The following LRBA variants were observed in gnomAD, a reference collection of about 807,000 sequenced individuals.
LRBA encodes LPS responsive beige-like anchor protein.
In LRBA, 176 loss-of-function variants were observed where a neutral mutation model predicts 330.0. The observed-to-expected ratio is 0.53, with a 90% CI of 0.47 to 0.60. LRBA has a LOEUF of 0.60. LRBA is among the 20% of genes least tolerant of loss of function. The pLI, the probability that LRBA is intolerant of heterozygous loss-of-function variation, is 0.00. For synonymous variants in LRBA, 1,230 were observed against 1,193.0 expected, an observed-to-expected ratio of 1.03 and a Z score of -0.64; for missense variants, 3,259 against 3,444.8, an observed-to-expected ratio of 0.95 and a Z score of 1.35.
At chr4:150,397,620 C>T (rs1744913289) in intron 47 of LRBA, among the ~76,000 whole-genome samples, 1 of 152,130 alleles carries the variant, frequency 6.6e-6, no homozygotes, top group South Asian at 2.1e-4. Context: ...ATTTGTACAA[C>T]TAAAACTTAT....
intron 37 of LRBA, among the ~76,000 whole-genome samples, chr4:150,669,862 G>A (rs757020248): frequency 1.3e-5 from 2 of 152,048 alleles, no homozygotes; most frequent in East Asian, 1.9e-4. Context: ...AACTGTGTCC[G>A]GCCAATATTT....
intron 34 of LRBA, among the ~76,000 whole-genome samples, chr4:150,795,415 C>T (rs1740645049): frequency 6.6e-6 from 1 of 152,008 alleles, no homozygotes; most frequent in African/African-American, 2.4e-5. Context: ...AGAGAACATA[C>T]AGTTTCCTGA....
chr4:150,540,062 T>A (rs1351270928), intron 40 of LRBA, among the ~76,000 whole-genome samples: 1 of 152,222 alleles, frequency 6.6e-6, no homozygotes, highest in East Asian at 1.9e-4. Flanking sequence ...TAACTTACTT[T>A]CCGTTATATG....
intron 37 of LRBA, among the ~76,000 whole-genome samples, chr4:150,629,926 C>T (rs1054044121): frequency 3.3e-5 from 5 of 152,076 alleles, no homozygotes; most frequent in East Asian, 3.9e-4. Context: ...GCCAAGGCCA[C>T]GACATTGCAC....
chr4:150,304,079 TTAAA>T (rs1248163987), intron 52 of LRBA, among the ~76,000 whole-genome samples: 3 of 152,032 alleles, frequency 2.0e-5, no homozygotes, highest in Non-Finnish European at 4.4e-5. Context: ...TTCTTTTTCT[TTAAA>T]TAAGTTTTTA....
At chr4:150,983,449 C>CTT (rs35205576) in intron 2 of LRBA, among the ~76,000 whole-genome samples, 4,282 of 107,100 alleles carry the variant, frequency 0.04, 369 homozygotes, top group African/African-American at 0.14. Flanking sequence ...AGCAAGCACT[C>CTT]TTTTTTTTTT....
chr4:150,993,838 G>A (rs956041094), intron 2 of LRBA, among the ~76,000 whole-genome samples: 3 of 151,992 alleles, frequency 2.0e-5, no homozygotes, highest in African/African-American at 4.8e-5. Flanking sequence ...GGGAATTATG[G>A]GAGTACAATT....
chr4:150,664,673 T>C (rs531332122), intron 37 of LRBA, among the ~76,000 whole-genome samples: 16 of 152,162 alleles, frequency 1.1e-4, no homozygotes, highest in Non-Finnish European at 1.8e-4. Context: ...CATTATATAA[T>C]TCCAAGGCCA....
chr4:150,375,551 G>A (rs189093697), intron 47 of LRBA, among the ~76,000 whole-genome samples: 9 of 151,626 alleles, frequency 5.9e-5, no homozygotes, highest in East Asian at 1.9e-4. Context: ...TCCGCCTCCC[G>A]AGTTCAAGTG....
intron 20 of LRBA, 134 bp downstream of exon 20, chr4:150,870,391 A>G: frequency 1.6e-6 from 1 of 641,870 alleles, no homozygotes; most frequent in South Asian, 1.7e-5. Context: ...AAACAAAACT[A>G]GTATAATATC....
chr4:150,985,496 A>G (rs1353502333), intron 2 of LRBA, among the ~76,000 whole-genome samples: 1 of 150,606 alleles, frequency 6.6e-6, no homozygotes, highest in Non-Finnish European at 1.5e-5. Context: ...TTTTTAATAT[A>G]TAGTTTTTTT....
At chr4:150,473,900 A>G (rs919857921) in intron 42 of LRBA, among the ~76,000 whole-genome samples, 1 of 152,214 alleles carries the variant, frequency 6.6e-6, no homozygotes, top group African/African-American at 2.4e-5. Flanking sequence ...CACATGATAT[A>G]CAAATGTTGT....
rs1320242489 is a variant in LRBA at position 150,916,733 on chromosome 4, A to T, written c.651T>A (p.Ile217=). 1.3e-6 allele frequency: 2 copies of T among 1,550,256 alleles called. No individual in the cohort carries two copies. The highest frequency in any genetic ancestry group is 1.4e-5 in the African/African-American group (1 of 72,070). The stretch of plus-strand genomic sequence containing the variant: ...GCCATTTGGCTATAGGAGGTAATGC[A>T]ATAGCCTAAAGGAAAGAAACTTTGA... ...FNFPGKSAAA[I]ALPPIAKWPY... is the part of the protein sequence containing the mutation. The change falls in exon 6 of 57, where the codon ATT becomes ATA. Residue 217 remains isoleucine, a synonymous_variant. Coordinates refer to ENST00000651943, the MANE Select transcript of LRBA (RefSeq NM_001364905.1).
At position 150,277,956 on chromosome 4, in the gene LRBA, T is replaced by C. The variant is rs141577859; in HGVS notation, c.8365A>G (p.Arg2789Gly). The change falls in exon 56 of 57, where the codon AGA becomes GGA. Residue 2789 changes from arginine (R) to glycine (G), a missense_variant. By Grantham distance (125) the Arg-to-Gly change is moderately radical. Coordinates refer to ENST00000651943, the MANE Select transcript of LRBA (RefSeq NM_001364905.1). ...DGQYLLTGGD[R>G]GVVVVRQVSD... ...ACCTGCCGGACCACGACCACTCCTC[T>C]GTCTCCTCCTGTGAGCAGGTACTGC... 21 of 1,614,046 alleles carry C rather than the reference T, an allele frequency of 1.3e-5. No homozygotes were observed. The African/African-American group carries it at 1.9e-4, about 14-fold the overall frequency.
Position 150,425,520 on chromosome 4 carries a change from T to C in LRBA, c.7042-9930A>G, listed in dbSNP as rs540001317. 9.2e-5 allele frequency among the ~76,000 whole-genome samples: 14 copies of C among 152,336 alleles called. No homozygotes were observed. In the East Asian group the frequency reaches 2.5e-3, roughly 27 times the overall value. On this transcript the variant is annotated intron_variant, in intron 46 of 56. Transcript: ENST00000651943. ...GTTCAGGATAAGCTCATTGCTTTGA[T>C]CACAAATCCCAAGGCTTTCATGGCA...
At chr4:150,610,710 T>A (rs1195767556) in intron 37 of LRBA, among the ~76,000 whole-genome samples, 1 of 152,150 alleles carries the variant, frequency 6.6e-6, no homozygotes, top group East Asian at 1.9e-4. Flanking sequence ...ATGAGTAGGC[T>A]AGTAAGAACG....
rs573403144 is a variant in LRBA, at chr4:150,433,878, T to C, written c.7041+1711A>G. Among the ~76,000 whole-genome samples, 5 of 152,246 alleles carry C rather than the reference T, an allele frequency of 3.3e-5. No homozygotes were observed. In the South Asian group the frequency reaches 1.0e-3, roughly 32 times the overall value. ...ATATCAGAGTATATTATTTGTGAGA[T>C]CAAAAACCCTGATAGATGTCCCAAT... is the stretch of plus-strand genomic sequence containing the variant. On this transcript the variant is annotated intron_variant, in intron 46 of 56. Coordinates refer to ENST00000651943, the MANE Select transcript of LRBA (RefSeq NM_001364905.1).
In LRBA at chr4:150,598,160, G is replaced by A. The variant is rs959576540; in HGVS notation, c.6046+847C>T. 4.6e-5 allele frequency among the ~76,000 whole-genome samples: 7 copies of A among 151,930 alleles called. No individual in the cohort carries two copies. The East Asian group carries it at 1.3e-3, about 29-fold the overall frequency. ...CTCCTGCATGTTAAAACAATACCCTGAAAAAGGAAAATTAAAAGTACTTCT... is the reference window on the plus strand; with the variant it reads ...CTCCTGCATGTTAAAACAATACCCTAAAAAAGGAAAATTAAAAGTACTTCT... On this transcript the variant is annotated intron_variant, in intron 38 of 56. Transcript: ENST00000651943.
In LRBA at chr4:150,321,368, T is replaced by G; in HGVS notation, c.7453A>C (p.Ser2485Arg). Residue 2485 changes from serine (S) to arginine (R), a missense_variant and splice_region_variant, in exon 50 of 57, where the codon AGT becomes CGT. By Grantham distance (110) the Ser-to-Arg change is moderately radical. Transcript: ENST00000651943. This position sits in a 1 kb window ranked among gnomAD's most constrained non-coding sequence, Gnocchi z 4.5. ...GCTTTGTCTGTGAACATCAATGGAC[T>G]CTGCAGGAGGAGATACTGTTGAGTG... ...HPPRGSAMQV[S>R]PLMFTDKAQQ... is the part of the protein sequence containing the mutation. 1 of 1,589,126 alleles carries G rather than the reference T, an allele frequency of 6.3e-7. No individual in the cohort carries two copies. Among genetic ancestry groups the G allele is most frequent in the Non-Finnish European group, 8.5e-7 (1 of 1,171,966 alleles).
Sources: allele counts gnomAD v4.1 joint callset (sites outside exome capture counted in the v4.1 genomes callset), GRCh38; gene constraint gnomAD v4.1.1; non-coding constraint Gnocchi (gnomAD v3.1); transcripts MANE v1.5; gene names NCBI Gene and HGNC (gene_info 2026-07-23, HGNC 2026-07-21).